SLC26A7: variants seen among roughly 807,000 people sequenced by gnomAD.
SLC26A7 encodes anion exchange transporter.
SLC26A7 carries 59 observed loss-of-function variants against 82.5 expected under a neutral mutation model. The ratio of observed to expected loss-of-function variants is 0.72; its 90% confidence interval spans 0.58 to 0.89. The LOEUF is 0.89. Ranked by LOEUF, SLC26A7 falls within the 40% of genes least tolerant of loss-of-function variation. The pLI, the probability that SLC26A7 is intolerant of heterozygous loss-of-function variation, is 0.00. For synonymous variants in SLC26A7, 271 were observed against 274.3 expected (o/e 0.99, Z 0.12); for missense variants, 820 against 793.0 (o/e 1.03, Z -0.41).
Position 91,351,798 on chromosome 8 carries a change from T to C in SLC26A7, c.1141-12T>C, listed in dbSNP as rs767423469. ...CTTTCTTTTTCCTTTTTGTCTGTCTTGTATTTTACAGGTGGCTTGTCTAAT... is the reference window on the plus strand; with the variant it reads ...CTTTCTTTTTCCTTTTTGTCTGTCTCGTATTTTACAGGTGGCTTGTCTAAT... On this transcript the variant is annotated splice_polypyrimidine_tract_variant and intron_variant, in intron 9 of 18. Coordinates refer to ENST00000276609, the MANE Select transcript of SLC26A7 (RefSeq NM_052832.4). 1 of 1,593,916 alleles carries C rather than the reference T, an allele frequency of 6.3e-7. No individual in the cohort carries two copies. The highest frequency in any genetic ancestry group is 1.1e-5 in the South Asian group (1 of 90,570).
intron 15 of SLC26A7, among the ~76,000 whole-genome samples, chr8:91,384,901 A>G (rs1814759261): frequency 6.6e-6 from 1 of 152,228 alleles, no homozygotes; most frequent in Non-Finnish European, 1.5e-5. Flanking sequence ...AATTCAAGAT[A>G]TAAATCTGCT....
chr8:91,356,151 C>T (rs1813862363), intron 11 of SLC26A7, among the ~76,000 whole-genome samples: 1 of 152,126 alleles, frequency 6.6e-6, no homozygotes, highest in Admixed American at 6.5e-5. Context: ...GGGTTGGTTC[C>T]AAGTCTTTGC....
chr8:91,218,075 G>C (rs533075297), intron 1 of SLC26A7, among the ~76,000 whole-genome samples: 2 of 152,246 alleles, frequency 1.3e-5, no homozygotes, highest in East Asian at 3.9e-4. Flanking sequence ...TTGTGGAAGA[G>C]TGAACAGAAC....
At chr8:91,307,748 A>G (rs1812359793) in intron 4 of SLC26A7, among the ~76,000 whole-genome samples, 1 of 149,836 alleles carries the variant, frequency 6.7e-6, no homozygotes, top group Non-Finnish European at 1.5e-5. Flanking sequence ...ATGTATACAT[A>G]TGTAACTAAC....
chr8:91,260,929 G>T (rs1381954344), intron 2 of SLC26A7, among the ~76,000 whole-genome samples: 2 of 152,086 alleles, frequency 1.3e-5, no homozygotes, highest in Non-Finnish European at 2.9e-5. Context: ...AATTATGGTT[G>T]TTGAATATAT....
intron 4 of SLC26A7, among the ~76,000 whole-genome samples, chr8:91,301,956 C>T (rs961820325): frequency 1.4e-4 from 22 of 151,980 alleles, no homozygotes; most frequent in African/African-American, 5.3e-4. Context: ...TGTATTTCCT[C>T]CTTTACCCAA....
At position 91,359,235 on chromosome 8, in the gene SLC26A7, C is replaced by T. The variant is rs572701801; in HGVS notation, c.1315-3118C>T. On this transcript the variant is annotated intron_variant, in intron 11 of 18. Transcript: ENST00000276609. ...TCATTAATAATTTGAGAAAAGGATA[C>T]GGCTTAAGATTTTTTTCTTAACAAT... Among the ~76,000 whole-genome samples the T allele has an allele frequency of 4.4e-4, 67 of 152,190 alleles. 1 individual carries two copies. The highest frequency in any genetic ancestry group is 4.2e-4 in the South Asian group (2 of 4,818).
At chr8:91,212,782 C>T (rs1359466555) in intron 1 of SLC26A7, among the ~76,000 whole-genome samples, 1 of 152,122 alleles carries the variant, frequency 6.6e-6, no homozygotes, top group Non-Finnish European at 1.5e-5. Context: ...GAAAGCATCA[C>T]ATTTCTAATT....
rs1026869889 is a variant in SLC26A7, at chr8:91,278,011, G to T, written c.194-11125G>T. 1.1e-4 allele frequency among the ~76,000 whole-genome samples: 17 copies of T among 152,248 alleles called. No homozygotes were observed. In the East Asian group the frequency reaches 3.3e-3, roughly 29 times the overall value. ...TGACTACCTTCAAGAGTGGCTGACT[G>T]CCATATCGTTGGGACCATGCCCCCT... On this transcript the variant is annotated intron_variant, in intron 2 of 18. Coordinates refer to ENST00000276609, the MANE Select transcript of SLC26A7 (RefSeq NM_052832.4).
intron 2 of SLC26A7, among the ~76,000 whole-genome samples, chr8:91,283,930 A>G (rs903177934): frequency 2.0e-5 from 3 of 152,136 alleles, no homozygotes; most frequent in African/African-American, 4.8e-5. Context: ...TTCCTTTTCT[A>G]CCATCGCCGA....
Position 91,334,317 on chromosome 8 carries a change from A to T in SLC26A7, c.665A>T (p.Asn222Ile), listed in dbSNP as rs774591613. The T allele has an allele frequency of 6.2e-7, 1 of 1,608,272 alleles. No homozygotes were observed. Among genetic ancestry groups the T allele is most frequent in the Non-Finnish European group, 8.5e-7 (1 of 1,177,646 alleles). The change falls in exon 6 of 19, where the codon AAC becomes ATC. Residue 222 changes from asparagine (N) to isoleucine (I), a missense_variant. Asn to Ile is a moderately radical substitution (Grantham distance 149). Transcript: ENST00000276609. ...TAGATTTATGCATATGTTTTTGAAA[A>T]CATCAAGTCTGTGCGACTGGAAGCA... Reference protein sequence around the residue: ...FFYIYAYVFENIKSVRLEALL... With the variant: ...FFYIYAYVFEIIKSVRLEALL...
chr8:91,323,108 T>C (rs1812837070), intron 5 of SLC26A7, among the ~76,000 whole-genome samples: 1 of 152,236 alleles, frequency 6.6e-6, no homozygotes, highest in African/African-American at 2.4e-5. Flanking sequence ...ATCAAGAACA[T>C]GCTTTGATGG....
chr8:91,282,248 G>C (rs1230342616), intron 2 of SLC26A7, among the ~76,000 whole-genome samples: 1 of 152,166 alleles, frequency 6.6e-6, no homozygotes, highest in Non-Finnish European at 1.5e-5. Flanking sequence ...TTTGTGGGCA[G>C]AGGCCAGTCA....
intron 1 of SLC26A7, among the ~76,000 whole-genome samples, chr8:91,216,672 T>C (rs1691599331): frequency 6.6e-6 from 1 of 152,164 alleles, no homozygotes; most frequent in African/African-American, 2.4e-5. Flanking sequence ...GCCTGTCTTT[T>C]GCCATTTGTT....
intron 8 of SLC26A7, among the ~76,000 whole-genome samples, chr8:91,340,869 A>G (rs1236092747): frequency 6.6e-6 from 1 of 152,214 alleles, no homozygotes; most frequent in African/African-American, 2.4e-5. Flanking sequence ...AAGTACAAAT[A>G]ACATTAGTAT....
chr8:91,261,081 T>C (rs1303978395), intron 2 of SLC26A7, among the ~76,000 whole-genome samples: 6 of 152,100 alleles, frequency 3.9e-5, no homozygotes, highest in African/African-American at 1.4e-4. Context: ...GGGAAATAAC[T>C]TTCATCGTTG....
chr8:91,326,958 T>A (rs754195414), intron 5 of SLC26A7, among the ~76,000 whole-genome samples: 1 of 152,122 alleles, frequency 6.6e-6, no homozygotes, highest in Non-Finnish European at 1.5e-5. Flanking sequence ...TCCTGTCTCT[T>A]ACAAGGATAC....
At chr8:91,369,027 A>C (rs1814280033) in intron 14 of SLC26A7, among the ~76,000 whole-genome samples, 1 of 152,224 alleles carries the variant, frequency 6.6e-6, no homozygotes. Context: ...TGAGAGAAGC[A>C]GAGTAATGTA....
chr8:91,210,476 G>A (rs1236796746), intron 1 of SLC26A7, among the ~76,000 whole-genome samples: 1 of 151,850 alleles, frequency 6.6e-6, no homozygotes, highest in Non-Finnish European at 1.5e-5. Flanking sequence ...TTGACTTGCA[G>A]AGTAAGAAAA....
Sources: allele counts gnomAD v4.1 joint callset (sites outside exome capture counted in the v4.1 genomes callset), GRCh38; gene constraint gnomAD v4.1.1; transcripts MANE v1.5; gene names NCBI Gene and HGNC (gene_info 2026-07-23, HGNC 2026-07-21).